Variants in ROR1 observed in about 807,000 individuals in gnomAD.
ROR1 encodes the protein ROR family WNT receptor 1.
A neutral mutation model predicts 78.8 loss-of-function variants in ROR1; 19 were observed. The ratio of observed to expected loss-of-function variants is 0.24; its 90% CI spans 0.17 to 0.35. The LOEUF (loss-of-function observed/expected upper bound fraction) is 0.35, where lower values mean the gene tolerates loss of function less well. Among genes scored for constraint, ROR1 ranks in the 10% least tolerant of loss-of-function variants. The pLI is 1.00. For synonymous variants in ROR1, 386 were observed against 433.6 expected (o/e 0.89, Z 1.36); for missense variants, 917 against 1,177.8 (o/e 0.78, Z 3.24).
At chr1:64,087,824 G>A (rs1647166165) in intron 4 of ROR1, among the ~76,000 whole-genome samples, 2 of 152,210 alleles carry the variant, frequency 1.3e-5, no homozygotes, top group African/African-American at 4.8e-5. Context: ...ACAAGGAACT[G>A]ATAATTTCTG....
At chr1:63,808,365 T>C (rs1644841666) in intron 1 of ROR1, among the ~76,000 whole-genome samples, 1 of 152,220 alleles carries the variant, frequency 6.6e-6, no homozygotes, top group African/African-American at 2.4e-5. Context: ...TCATCCTTGC[T>C]GAGCTGTTGC....
chr1:63,997,735 A>AT lies in ROR1; in HGVS notation c.92-11562dup, dbSNP rs200664024. Reference sequence around the variant, plus strand: ...TAGAGACAGGGGTCGAAAAATCATTATTTTTTTTAACATGCTCCCCAGCTG... The same window carrying AT: ...TAGAGACAGGGGTCGAAAAATCATTATTTTTTTTTAACATGCTCCCCAGCTG... On this transcript the variant is annotated intron_variant, in intron 1 of 8. Transcript: ENST00000371079. Among the ~76,000 whole-genome samples the AT allele has an allele frequency of 5.3e-4, 80 of 151,834 alleles. 1 individual carries two copies. The East Asian group carries it at 0.013, about 25-fold the overall frequency.
chr1:64,013,574 C>T (rs1646494513), intron 2 of ROR1, among the ~76,000 whole-genome samples: 1 of 152,148 alleles, frequency 6.6e-6, no homozygotes, highest in Admixed American at 6.5e-5. Context: ...CTTGAACATT[C>T]CCTCCTTCCC....
At chr1:63,950,165 G>C (rs369320706) in intron 1 of ROR1, among the ~76,000 whole-genome samples, 8 of 152,172 alleles carry the variant, frequency 5.3e-5, no homozygotes, top group African/African-American at 1.9e-4. Flanking sequence ...TGGATCTTGC[G>C]CAAGACAGAA....
intron 8 of ROR1, among the ~76,000 whole-genome samples, chr1:64,172,830 T>C (rs1650277893): frequency 6.6e-6 from 1 of 152,108 alleles, no homozygotes; most frequent in South Asian, 2.1e-4. Context: ...CCACTTGAGG[T>C]CAAGCAGAGG....
intron 4 of ROR1, among the ~76,000 whole-genome samples, chr1:64,098,923 A>G (rs1053714767): frequency 1.3e-5 from 2 of 152,198 alleles, no homozygotes; most frequent in African/African-American, 4.8e-5. Context: ...AGGAAATTTA[A>G]TGTTATCAAT....
intron 1 of ROR1, among the ~76,000 whole-genome samples, chr1:63,906,197 G>C (rs990507923): frequency 1.5e-4 from 23 of 152,090 alleles, no homozygotes; most frequent in African/African-American, 5.1e-4. Context: ...GAACGTTTCA[G>C]AGTCAACTGC....
intron 1 of ROR1, among the ~76,000 whole-genome samples, chr1:63,870,261 C>G (rs116023497): frequency 1.3e-5 from 2 of 152,252 alleles, no homozygotes; most frequent in African/African-American, 4.8e-5. Context: ...TGTCTGCATG[C>G]GGACATTTAG....
chr1:63,969,276 G>A (rs555053050), intron 1 of ROR1, among the ~76,000 whole-genome samples: 28 of 152,260 alleles, frequency 1.8e-4, no homozygotes, highest in Admixed American at 2.6e-4. Context: ...ATTTCACTTC[G>A]TTGCAACTCT....
At position 63,774,743 on chromosome 1, in the gene ROR1, C is replaced by A. The variant is rs941091163; in HGVS notation, c.91+235C>A. Among the ~76,000 whole-genome samples, 1 of 151,784 alleles carries A rather than the reference C, an allele frequency of 6.6e-6. No homozygotes were observed. The highest frequency in any genetic ancestry group is 2.4e-5 in the African/African-American group (1 of 41,388). ...GCCGGGGCGCGCCCAGGGACTCGTT[C>A]CTCGGTGCGCAGCAGCGATTGTCAG... On this transcript the variant is annotated intron_variant, in intron 1 of 8. Coordinates refer to ENST00000371079, the MANE Select transcript of ROR1 (RefSeq NM_005012.4). This position sits in a 1 kb window ranked among gnomAD's most constrained non-coding sequence, Gnocchi z 5.7.
At chr1:64,059,773 A>G (rs76323825) in intron 4 of ROR1, among the ~76,000 whole-genome samples, 6,724 of 151,866 alleles carry the variant, frequency 0.044, 514 homozygotes, top group African/African-American at 0.15. Context: ...ATGATTGGAC[A>G]GAAATTTCCT....
intron 4 of ROR1, among the ~76,000 whole-genome samples, chr1:64,060,478 A>G (rs1214839301): frequency 6.6e-6 from 1 of 152,114 alleles, no homozygotes; most frequent in Admixed American, 6.5e-5. Flanking sequence ...TTGATGAACT[A>G]TTTTCCTCTT....
At chr1:64,098,470 G>A (rs1305905864) in intron 4 of ROR1, among the ~76,000 whole-genome samples, 1 of 152,148 alleles carries the variant, frequency 6.6e-6, no homozygotes, top group Non-Finnish European at 1.5e-5. Flanking sequence ...GCTCACCTCT[G>A]CTGCCCCTCC....
intron 1 of ROR1, among the ~76,000 whole-genome samples, chr1:63,891,659 A>G (rs855834): frequency 0.92 from 140,162 of 152,152 alleles, 64,635 homozygotes; most frequent in East Asian, 1. Context: ...TCATGCCTCG[A>G]GTATGCATCA....
At chr1:63,824,361 T>C (rs979886384) in intron 1 of ROR1, among the ~76,000 whole-genome samples, 1 of 152,234 alleles carries the variant, frequency 6.6e-6, no homozygotes, top group African/African-American at 2.4e-5. Context: ...TGAAAATTTA[T>C]ATATAGAAAT....
chr1:64,086,108 C>T (rs1647150630), intron 4 of ROR1, among the ~76,000 whole-genome samples: 1 of 152,170 alleles, frequency 6.6e-6, no homozygotes, highest in Admixed American at 6.5e-5. Context: ...CTTCCAGTTC[C>T]ACCTAACAAC....
At chr1:63,959,340 C>G (rs1279725990) in intron 1 of ROR1, among the ~76,000 whole-genome samples, 2 of 152,128 alleles carry the variant, frequency 1.3e-5, no homozygotes, top group East Asian at 3.9e-4. Context: ...GGTGGGGACA[C>G]AGCCAAACCA....
At chr1:64,120,224 G>A (rs201463010) in intron 4 of ROR1, among the ~76,000 whole-genome samples, 1 of 110,190 alleles carries the variant, frequency 9.1e-6, no homozygotes, top group African/African-American at 2.9e-5. Context: ...CAGGACCATG[G>A]AAAGCCTGGA....
chr1:63,977,809 A>G (rs1646174023), intron 1 of ROR1, among the ~76,000 whole-genome samples: 1 of 152,226 alleles, frequency 6.6e-6, no homozygotes, highest in Non-Finnish European at 1.5e-5. Context: ...TATGATCCAC[A>G]TCATCCCCTC....
Sources: allele counts gnomAD v4.1 joint callset (sites outside exome capture counted in the v4.1 genomes callset), GRCh38; gene constraint gnomAD v4.1.1; non-coding constraint Gnocchi (gnomAD v3.1); transcripts MANE v1.5; gene names NCBI Gene and HGNC (gene_info 2026-07-23, HGNC 2026-07-21).